RIPOR3: variants seen among roughly 807,000 people sequenced by gnomAD.
RIPOR3 encodes family with sequence similarity 65 member C.
Under a neutral mutation model 114.3 loss-of-function variants are expected in RIPOR3, and 95 were observed. The observed-to-expected ratio is 0.83, with a 90% CI of 0.70 to 0.99. The LOEUF is 0.99. Ranked by LOEUF, RIPOR3 falls within the 50% of genes least tolerant of loss-of-function variation. RIPOR3 has a pLI of 0.00. For missense variants in RIPOR3, 1,252 were observed against 1,266.9 expected (o/e 0.99, Z 0.18); for synonymous variants, 575 against 543.8 (o/e 1.06, Z -0.80).
At chr20:50,588,942 C>T (rs1455277256) in intron 20 of RIPOR3, among the ~76,000 whole-genome samples, 1 of 151,302 alleles carries the variant, frequency 6.6e-6, no homozygotes, top group Non-Finnish European at 1.5e-5. Flanking sequence ...ATTAGCCGGG[C>T]GTGGTGGTGG....
At chr20:50,606,965 G>A (rs1232443101) in intron 11 of RIPOR3, among the ~76,000 whole-genome samples, 1 of 152,074 alleles carries the variant, frequency 6.6e-6, no homozygotes, top group South Asian at 2.1e-4. Context: ...CCTGACCTCG[G>A]GTGATCTGCC....
In RIPOR3 at chr20:50,586,990, C is replaced by T. The variant is rs190116407; in HGVS notation, c.*242G>A. Reference sequence around the variant, plus strand: ...CACAGACCCTCAGCCAGAAGTTGAGCGCTCTGTTGAGGCCGTGCAGCCCCT... The same window carrying T: ...CACAGACCCTCAGCCAGAAGTTGAGTGCTCTGTTGAGGCCGTGCAGCCCCT... On this transcript the variant is annotated 3_prime_UTR_variant, in exon 22 of 22. Coordinates refer to ENST00000327979, the MANE Select transcript of RIPOR3 (RefSeq NM_001290268.2). The T allele has an allele frequency of 2.9e-4, 138 of 471,524 alleles. No homozygotes were observed. Among genetic ancestry groups the T allele is most frequent in the Non-Finnish European group, 4.6e-4 (121 of 260,602 alleles). 29.2% of individuals were successfully genotyped at this position (471,524 alleles called of 1,614,324 possible). A position where few individuals can be genotyped will look rare whatever the true frequency, so the allele number is the denominator to read the frequency against.
intron 18 of RIPOR3, among the ~76,000 whole-genome samples, 163 bp downstream of exon 18, chr20:50,592,872 T>G (rs1204454035): frequency 6.6e-6 from 1 of 152,220 alleles, no homozygotes; most frequent in Non-Finnish European, 1.5e-5. Flanking sequence ...GGAGCTAATA[T>G]CAGCCCCCAT....
intron 2 of RIPOR3, among the ~76,000 whole-genome samples, chr20:50,627,532 A>C (rs2123223441): frequency 6.7e-6 from 1 of 148,884 alleles, no homozygotes; most frequent in South Asian, 2.1e-4. Flanking sequence ...AAAATACAAA[A>C]ATTAGCCGGG....
In RIPOR3 at chr20:50,647,062, C is replaced by T. The variant is rs369812149; in HGVS notation, c.4-16206G>A. Among the ~76,000 whole-genome samples, 43 of 152,342 alleles carry T rather than the reference C, an allele frequency of 2.8e-4. 6 individuals are homozygous for T. The highest frequency in any genetic ancestry group is 2.3e-3 in the East Asian group (12 of 5,184). ...GGGGGCCGGGCGTGGTGGCTCACAC[C>T]TGTAATCCGCACTTTCGGAGGCCGA... On this transcript the variant is annotated intron_variant, in intron 1 of 21. Coordinates refer to ENST00000327979, the MANE Select transcript of RIPOR3 (RefSeq NM_001290268.2).
At chr20:50,592,188 T>C (rs993463132) in intron 19 of RIPOR3, among the ~76,000 whole-genome samples, 156 bp downstream of exon 19, 1 of 152,206 alleles carries the variant, frequency 6.6e-6, no homozygotes, top group African/African-American at 2.4e-5. Context: ...GGTGCATTCA[T>C]GTGTGTTAGA....
chr20:50,640,592 G>C (rs56178302), intron 1 of RIPOR3, among the ~76,000 whole-genome samples: 17,592 of 120,228 alleles, frequency 0.15, 808 homozygotes, highest in African/African-American at 0.32. Context: ...GGAATGAACT[G>C]CCCCCAACCC....
In RIPOR3 at chr20:50,620,114, G is replaced by A. The variant is rs763290711; in HGVS notation, c.141C>T (p.Asn47=). 21 of 1,614,104 alleles carry A rather than the reference G, an allele frequency of 1.3e-5. No homozygotes were observed. The highest frequency in any genetic ancestry group is 1.3e-5 in the Non-Finnish European group (15 of 1,180,038). The change falls in exon 3 of 22, where the codon AAC becomes AAT. Residue 47 remains asparagine, a synonymous_variant. Transcript: ENST00000327979. Reference sequence around the variant, plus strand: ...TTGCAGGCATTCGCGATCTCACGGAGTTCCTGTTGATGGACTTTCTGTGAG... The same window carrying A: ...TTGCAGGCATTCGCGATCTCACGGAATTCCTGTTGATGGACTTTCTGTGAG... The part of the protein sequence containing the change: ...SRRIAKSINR[N]SVRSRMPAKS...
intron 1 of RIPOR3, among the ~76,000 whole-genome samples, chr20:50,683,615 T>A (rs6012997): frequency 0.81 from 123,258 of 151,596 alleles, 51,034 homozygotes; most frequent in East Asian, 0.96. Flanking sequence ...ACCACACCTG[T>A]CTTATTTTTG....
chr20:50,604,079 G>A (rs182172751), intron 12 of RIPOR3, among the ~76,000 whole-genome samples: 4 of 152,228 alleles, frequency 2.6e-5, no homozygotes, highest in African/African-American at 7.2e-5. Context: ...CTACTCGGGA[G>A]GCTGAGGCAG....
At chr20:50,672,029 G>A (rs935061776) in intron 1 of RIPOR3, among the ~76,000 whole-genome samples, 1 of 151,192 alleles carries the variant, frequency 6.6e-6, no homozygotes, top group Non-Finnish European at 1.5e-5. Context: ...TGGGTAGGTG[G>A]GTGGGTGGGT....
At chr20:50,617,827 T>A (rs1291342295) in intron 3 of RIPOR3, among the ~76,000 whole-genome samples, 1 of 151,334 alleles carries the variant, frequency 6.6e-6, no homozygotes, top group Non-Finnish European at 1.5e-5. Flanking sequence ...TTTCACCATG[T>A]TGGCCACGCT....
In RIPOR3 at chr20:50,602,321, C is replaced by T; in HGVS notation, c.1410G>A (p.Gln470=). 1 of 1,613,930 alleles carries T rather than the reference C, an allele frequency of 6.2e-7. No homozygotes were observed. The highest frequency in any genetic ancestry group is 1.3e-5 in the African/African-American group (1 of 75,074). ...AHLSGGPFAE[Q]PGWRNLGGES... is the part of the protein sequence containing the mutation. ...CCCCTCCTAAGTTCCTCCAGCCAGG[C>T]TGCTCTGCAAACGGGCCTCCAGAGA... The change falls in exon 13 of 22, where the codon CAG becomes CAA. Residue 470 remains glutamine (Q), a synonymous_variant. Coordinates refer to ENST00000327979, the MANE Select transcript of RIPOR3 (RefSeq NM_001290268.2). This position sits in a 1 kb window ranked among gnomAD's most constrained non-coding sequence, Gnocchi z 4.3.
Position 50,602,127 on chromosome 20 carries a change from T to A in RIPOR3, c.1604A>T (p.Gln535Leu), listed in dbSNP as rs1198412977. ...GTACTCCAGCTCCCGGAGCTGGGGC[T>A]GGGTGGAGTCCGTGGGCCTCAGCAA... ...LELLRPTDST[Q>L]PQLRELEYQV... is the part of the protein sequence containing the mutation. Residue 535 changes from glutamine to leucine, a missense_variant, in exon 13 of 22, where the codon CAG (glutamine) becomes CTG (leucine). By Grantham distance (113) the Gln-to-Leu change is moderately radical. Coordinates refer to ENST00000327979, the MANE Select transcript of RIPOR3 (RefSeq NM_001290268.2). This position sits in a 1 kb window ranked among gnomAD's most constrained non-coding sequence, Gnocchi z 4.3. 1.2e-6 allele frequency: 2 copies of A among 1,608,888 alleles called. No homozygotes were observed. Among genetic ancestry groups the A allele is most frequent in the Admixed American group, 3.4e-5 (2 of 59,612 alleles).
chr20:50,649,603 A>G (rs1207068471), intron 1 of RIPOR3, among the ~76,000 whole-genome samples: 1 of 145,380 alleles, frequency 6.9e-6, no homozygotes, highest in African/African-American at 2.6e-5. Context: ...CCCCACCCAC[A>G]GGGACTGGGC....
At chr20:50,589,595 C>G in intron 20 of RIPOR3, 91 bp downstream of exon 20, 1 of 1,356,560 alleles carries the variant, frequency 7.4e-7, no homozygotes, top group South Asian at 1.2e-5. Flanking sequence ...CACGCCCAGC[C>G]CCAGTGGAAT....
chr20:50,625,769 G>A (rs2084596776), intron 2 of RIPOR3, among the ~76,000 whole-genome samples: 2 of 152,042 alleles, frequency 1.3e-5, no homozygotes, highest in Admixed American at 6.6e-5. Flanking sequence ...ACAGTATCGG[G>A]GCCTGGCCCT....
intron 11 of RIPOR3, among the ~76,000 whole-genome samples, chr20:50,605,172 A>G (rs1408925551): frequency 3.3e-5 from 5 of 152,118 alleles, no homozygotes; most frequent in Non-Finnish European, 7.4e-5. Flanking sequence ...GGCTCAAGCA[A>G]TCCTCCTGCC....
intron 3 of RIPOR3, among the ~76,000 whole-genome samples, chr20:50,618,134 G>A (rs2084247756): frequency 6.6e-6 from 1 of 151,996 alleles, no homozygotes; most frequent in Admixed American, 6.6e-5. Context: ...GGGCGTGGTG[G>A]CAGATGCCTG....
Sources: gnomAD v4.1 joint callset for allele counts (sites outside exome capture counted in the v4.1 genomes callset) on GRCh38, gnomAD v4.1.1 for gene constraint, Gnocchi (gnomAD v3.1) non-coding constraint, MANE v1.5 for transcripts, NCBI Gene and HGNC (gene_info 2026-07-23, HGNC 2026-07-21) for gene names.